Variants in ATP13A5 observed in about 807,000 individuals in gnomAD.
ATP13A5 encodes ATPase 13A5.
Under a neutral mutation model 150.2 loss-of-function variants are expected in ATP13A5, and 149 were observed. The observed-to-expected ratio is 0.99, with a 90% confidence interval of 0.87 to 1.14. The LOEUF is 1.14. Ranked by LOEUF, ATP13A5 falls within the 50% of genes most tolerant of loss-of-function variation. The probability of loss-of-function intolerance (pLI) is 0.00; values close to 1 mark genes in which losing one functional copy is unlikely to be tolerated. For synonymous variants in ATP13A5, 497 were observed against 522.2 expected (o/e 0.95, Z 0.66); for missense variants, 1,383 against 1,449.3 (o/e 0.95, Z 0.74).
At chr3:193,364,039 T>G in intron 2 of ATP13A5, 68 bp downstream of exon 2, 2 of 1,483,278 alleles carry the variant, frequency 1.3e-6, no homozygotes, top group Non-Finnish European at 1.9e-6. Context: ...AGCCACAGAG[T>G]TATGCCACAG....
At chr3:193,361,411 G>T (rs967457571) in intron 5 of ATP13A5, among the ~76,000 whole-genome samples, 1 of 152,082 alleles carries the variant, frequency 6.6e-6, no homozygotes, top group Non-Finnish European at 1.5e-5. Flanking sequence ...GCTAAAAATG[G>T]GTATCTTCTA....
intron 8 of ATP13A5, 93 bp downstream of exon 8, chr3:193,344,910 G>T: frequency 4.7e-6 from 6 of 1,266,880 alleles, no homozygotes; most frequent in Non-Finnish European, 6.9e-6. Context: ...AATCTGAAAA[G>T]ATTATTTCTC....
chr3:193,307,654 T>C (rs796952725), intron 21 of ATP13A5, among the ~76,000 whole-genome samples: 10 of 152,340 alleles, frequency 6.6e-5, no homozygotes, highest in African/African-American at 2.4e-4. Context: ...TCCTGCTTGA[T>C]GATACGCACC....
At chr3:193,316,265 A>G (rs1176061626) in intron 17 of ATP13A5, among the ~76,000 whole-genome samples, 1 of 152,192 alleles carries the variant, frequency 6.6e-6, no homozygotes, top group Non-Finnish European at 1.5e-5. Flanking sequence ...TGCTGCAATG[A>G]ACATAAAGGT....
intron 19 of ATP13A5, chr3:193,313,826 C>T: frequency 1.8e-6 from 1 of 548,996 alleles, no homozygotes; most frequent in Non-Finnish European, 3.2e-6. Flanking sequence ...TTAATTGGTG[C>T]AGCCTGCACT....
intron 12 of ATP13A5, among the ~76,000 whole-genome samples, chr3:193,328,348 C>G (rs1317338135): frequency 6.6e-6 from 1 of 152,170 alleles, no homozygotes; most frequent in African/African-American, 2.4e-5. Context: ...TCTTAAACAA[C>G]AACTTTTTGA....
chr3:193,363,398 C>T lies in ATP13A5; in HGVS notation c.238-16G>A, dbSNP rs760409410. 3 of 1,605,866 alleles carry T rather than the reference C, an allele frequency of 1.9e-6. No individual in the cohort carries two copies. On this transcript the variant is annotated splice_polypyrimidine_tract_variant and intron_variant, in intron 2 of 29. Transcript: ENST00000342358. ...GAAATTCGTCCTGGAAAAGACAATCCAGTTCATGAAATTCTCAAGTGTTAT... is the reference window on the plus strand; with the variant it reads ...GAAATTCGTCCTGGAAAAGACAATCTAGTTCATGAAATTCTCAAGTGTTAT...
rs376396197 is a variant in ATP13A5 at position 193,321,553 on chromosome 3, C to T, written c.1915+128G>A. 36 of 983,918 alleles carry T rather than the reference C, an allele frequency of 3.7e-5. No homozygotes were observed. The East Asian group carries it at 3.9e-4, about 11-fold the overall frequency. 60.9% of individuals were successfully genotyped at this position (983,918 alleles called of 1,614,324 possible). On this transcript the variant is annotated intron_variant, in intron 16 of 29. Coordinates refer to ENST00000342358, the MANE Select transcript of ATP13A5 (RefSeq NM_198505.4). ...GGCTGAGGCAGGAGAATCACTTGAA[C>T]TTGGGAGGTGGAGGCTACAGTGAGC...
At chr3:193,321,871 G>C (rs13087794) in intron 15 of ATP13A5, 34 bp from the exon 16 acceptor site, 18 of 1,605,068 alleles carry the variant, frequency 1.1e-5, no homozygotes, top group Non-Finnish European at 1.5e-5. Context: ...AGCTTAACAA[G>C]CTGCTAAGTG....
rs1489968466 is a variant in ATP13A5, at chr3:193,338,620, C to T, written c.944-3521G>A. On this transcript the variant is annotated intron_variant, in intron 9 of 29. Coordinates refer to ENST00000342358, the MANE Select transcript of ATP13A5 (RefSeq NM_198505.4). ...GGTGGATAAGCTTTTTGATGTGCTG[C>T]TGGATTTGGTTTGCCAGTATTTTAT... 5.9e-5 allele frequency among the ~76,000 whole-genome samples: 9 copies of T among 152,276 alleles called. No homozygotes were observed. The South Asian group carries it at 6.2e-4, about 11-fold the overall frequency.
chr3:193,276,888 C>T (rs1365193685), intron 28 of ATP13A5, 58 bp from the exon 29 acceptor site: 8 of 1,203,462 alleles, frequency 6.6e-6, no homozygotes, highest in African/African-American at 1.5e-5. Context: ...TGAAAAAAGA[C>T]CATATTAATT....
intron 1 of ATP13A5, among the ~76,000 whole-genome samples, chr3:193,372,785 CAAT>C (rs1220199451): frequency 1.3e-5 from 2 of 152,180 alleles, no homozygotes; most frequent in African/African-American, 4.8e-5. Context: ...AACAAAAACT[CAAT>C]AATGAGGTCT....
At chr3:193,375,366 A>G (rs533701795) in intron 1 of ATP13A5, among the ~76,000 whole-genome samples, 2 of 152,332 alleles carry the variant, frequency 1.3e-5, no homozygotes, top group Admixed American at 6.5e-5. Context: ...ATGGAGCTAT[A>G]TAACCTGGAG....
chr3:193,347,880 T>C (rs537516302), intron 7 of ATP13A5, among the ~76,000 whole-genome samples: 1 of 152,334 alleles, frequency 6.6e-6, no homozygotes, highest in Admixed American at 6.5e-5. Flanking sequence ...TGTGTGAGTG[T>C]ACTGATCACA....
intron 5 of ATP13A5, among the ~76,000 whole-genome samples, chr3:193,360,517 A>C (rs1367629519): frequency 6.6e-6 from 1 of 152,218 alleles, no homozygotes; most frequent in African/African-American, 2.4e-5. Context: ...TACCCTAAAA[A>C]ATGAAATGAA....
chr3:193,361,395 T>A (rs1713001682), intron 5 of ATP13A5, among the ~76,000 whole-genome samples: 1 of 152,058 alleles, frequency 6.6e-6, no homozygotes, highest in South Asian at 2.1e-4. Context: ...ATTATGGGGG[T>A]TGCTTGCTAA....
intron 22 of ATP13A5, among the ~76,000 whole-genome samples, chr3:193,305,993 A>G (rs1310358244): frequency 1.3e-5 from 2 of 151,922 alleles, no homozygotes. Flanking sequence ...AACTCAATTA[A>G]AAAGATGACA....
At chr3:193,366,128 T>C (rs182729773) in intron 1 of ATP13A5, among the ~76,000 whole-genome samples, 4 of 152,166 alleles carry the variant, frequency 2.6e-5, no homozygotes, top group African/African-American at 9.6e-5. Context: ...AAGTTGTGAA[T>C]GGAGCATACT....
chr3:193,324,843 T>C (rs1309721112), intron 14 of ATP13A5, 21 bp downstream of exon 14: 1 of 1,603,988 alleles, frequency 6.2e-7, no homozygotes, highest in Non-Finnish European at 8.5e-7. Flanking sequence ...TTCTCATCTT[T>C]CCATTAAACT....
Sources: allele counts gnomAD v4.1 joint callset (sites outside exome capture counted in the v4.1 genomes callset), GRCh38; gene constraint gnomAD v4.1.1; transcripts MANE v1.5; gene names NCBI Gene and HGNC (gene_info 2026-07-23, HGNC 2026-07-21).